NPEPPS: variants seen among roughly 807,000 people sequenced by gnomAD.
The protein encoded by NPEPPS is puromycin-sensitive aminopeptidase.
Under a neutral mutation model 115.5 loss-of-function variants are expected in NPEPPS, and 14 were observed. The ratio of observed to expected loss-of-function variants is 0.12; its 90% CI spans 0.08 to 0.19. The LOEUF (loss-of-function observed/expected upper bound fraction) is 0.19, where lower values mean the gene tolerates loss of function less well. NPEPPS is among the 10% of genes least tolerant of loss of function. The pLI is 1.00. For synonymous variants in NPEPPS, 285 were observed against 390.6 expected (o/e 0.73, Z 3.19); for missense variants, 523 against 1,110.8 (o/e 0.47, Z 7.52).
chr17:47,593,321 G>A (rs1314529431), intron 12 of NPEPPS, among the ~76,000 whole-genome samples: 1 of 152,152 alleles, frequency 6.6e-6, no homozygotes, highest in African/African-American at 2.4e-5. Context: ...TAGCACTTTG[G>A]GAGGCCAGGA....
chr17:47,544,627 G>A (rs934271673), intron 1 of NPEPPS, among the ~76,000 whole-genome samples: 9 of 150,934 alleles, frequency 6.0e-5, no homozygotes, highest in Non-Finnish European at 1.0e-4. Context: ...TCTGCCTCCC[G>A]GGTTTAAGCA....
upstream of NPEPPS, among the ~76,000 whole-genome samples, chr17:47,530,722 C>A (rs187536984): frequency 1.8e-3 from 270 of 152,300 alleles, no homozygotes; most frequent in African/African-American, 6.2e-3. Context: ...GGAACTAAGG[C>A]CAGAGAGCCT....
At chr17:47,611,853 T>C (rs1305731037) in intron 17 of NPEPPS, among the ~76,000 whole-genome samples, 1 of 152,148 alleles carries the variant, frequency 6.6e-6, no homozygotes, top group Non-Finnish European at 1.5e-5. Context: ...CCACCAGCAG[T>C]GTTTGAGGGT....
rs1163530675 is a variant in NPEPPS, at chr17:47,535,242, C to CAA, written c.255+3713_255+3714dup. Among the ~76,000 whole-genome samples the CAA allele has an allele frequency of 1.9e-3, 111 of 57,092 alleles. 6 individuals are homozygous for CAA. Among genetic ancestry groups the CAA allele is most frequent in the African/African-American group, 6.3e-3 (65 of 10,366 alleles). The allele number at this position is 57,092 out of a possible 152,430, so 37.5% of individuals were successfully genotyped here. ...TGGGCAACAGAGCAAGACTCTGTCT[C>CAA]AAAAAAAAAAAAAAAAAAAAAAAAA... is the stretch of plus-strand genomic sequence containing the variant. On this transcript the variant is annotated intron_variant, in intron 1 of 22. Coordinates refer to ENST00000322157, the MANE Select transcript of NPEPPS (RefSeq NM_006310.4).
At chr17:47,600,450 A>G (rs1913125205) in intron 14 of NPEPPS, among the ~76,000 whole-genome samples, 2 of 152,122 alleles carry the variant, frequency 1.3e-5, no homozygotes, top group African/African-American at 2.4e-5. Flanking sequence ...GAGAAAAAAT[A>G]TCTAACAAAT....
chr17:47,566,030 G>T (rs1282072732), intron 2 of NPEPPS, among the ~76,000 whole-genome samples: 1 of 152,140 alleles, frequency 6.6e-6, no homozygotes, highest in Non-Finnish European at 1.5e-5. Context: ...GTCTCACTCT[G>T]TCACCTAGAT....
intron 4 of NPEPPS, chr17:47,580,404 A>G (rs981899188): frequency 4.6e-5 from 7 of 151,302 alleles, no homozygotes; most frequent in African/African-American, 1.2e-4. Context: ...TCTCTAAACA[A>G]TTTTTTTTTA....
intron 10 of NPEPPS, among the ~76,000 whole-genome samples, chr17:47,591,085 G>A (rs1293219667): frequency 6.6e-6 from 1 of 152,114 alleles, no homozygotes; most frequent in East Asian, 1.9e-4. Context: ...AAAAAAAATT[G>A]GTCTGGCCAG....
intron 2 of NPEPPS, chr17:47,557,397 T>A (rs1910122412): frequency 6.6e-6 from 1 of 151,330 alleles, no homozygotes; most frequent in Non-Finnish European, 1.5e-5. Context: ...TTTGCAGATT[T>A]AAAAAAACTT....
At chr17:47,608,145 A>T (rs1483522640) in intron 17 of NPEPPS, among the ~76,000 whole-genome samples, 1 of 152,104 alleles carries the variant, frequency 6.6e-6, no homozygotes, top group East Asian at 1.9e-4. Context: ...CCTGGCATAG[A>T]AGCATATTTG....
intron 1 of NPEPPS, among the ~76,000 whole-genome samples, chr17:47,544,468 A>G (rs898560320): frequency 2.6e-5 from 4 of 151,880 alleles, no homozygotes; most frequent in Non-Finnish European, 5.9e-5. Flanking sequence ...GTTGTAAGAA[A>G]TGTTTCCTAA....
chr17:47,605,595 G>A (rs751101476), intron 17 of NPEPPS, 43 bp downstream of exon 17: 1 of 1,263,492 alleles, frequency 7.9e-7, no homozygotes, highest in African/African-American at 1.5e-5. Context: ...GCAGAAGTTG[G>A]TACTTTTTTA....
At chr17:47,552,415 CA>C (rs1323676914) in intron 2 of NPEPPS, among the ~76,000 whole-genome samples, 1 of 152,166 alleles carries the variant, frequency 6.6e-6, no homozygotes, top group Non-Finnish European at 1.5e-5. Flanking sequence ...GATAGTTAGC[CA>C]GCCCCTTTAT....
chr17:47,603,788 G>T, intron 15 of NPEPPS, 127 bp from the exon 16 acceptor site: 1 of 735,852 alleles, frequency 1.4e-6, no homozygotes, highest in Non-Finnish European at 2.2e-6. Context: ...TCCATTAGTT[G>T]GCATAGATGG....
intron 4 of NPEPPS, chr17:47,582,036 A>AT (rs1911912079): frequency 1.3e-5 from 2 of 152,192 alleles, no homozygotes; most frequent in Non-Finnish European, 2.9e-5. Flanking sequence ...CATTGGTTCC[A>AT]TTTTATTTAC....
At chr17:47,553,980 G>A (rs1343400101) in intron 2 of NPEPPS, among the ~76,000 whole-genome samples, 1 of 151,142 alleles carries the variant, frequency 6.6e-6, no homozygotes. Context: ...TCCATCTTCT[G>A]ACCTCGTGAT....
chr17:47,542,920 C>T lies in NPEPPS; in HGVS notation c.256-2989C>T, dbSNP rs541114967. ...TTGGGAGGCTGAGACGGGCGAATCA[C>T]GAGGTCAGGAGTTTGAGACCAGCCT... On this transcript the variant is annotated intron_variant, in intron 1 of 22. Transcript: ENST00000322157. Among the ~76,000 whole-genome samples, 10 of 151,932 alleles carry T rather than the reference C, an allele frequency of 6.6e-5. No homozygotes were observed. In the South Asian group the frequency reaches 8.3e-4, roughly 13 times the overall value.
chr17:47,619,968 C>T (rs1393266164), intron 22 of NPEPPS, 184 bp downstream of exon 22: 3 of 533,458 alleles, frequency 5.6e-6, no homozygotes, highest in Admixed American at 3.2e-5. Flanking sequence ...CATGGTAGCT[C>T]ACATCTGTAA....
intron 15 of NPEPPS, among the ~76,000 whole-genome samples, chr17:47,603,203 G>T (rs1381792889): frequency 1.3e-5 from 2 of 152,148 alleles, no homozygotes; most frequent in Non-Finnish European, 2.9e-5. Flanking sequence ...CCTGAGGTCA[G>T]GAGTTCGAGA....
Sources: allele counts gnomAD v4.1 joint callset (sites outside exome capture counted in the v4.1 genomes callset), GRCh38; gene constraint gnomAD v4.1.1; transcripts MANE v1.5; gene names NCBI Gene and HGNC (gene_info 2026-07-23, HGNC 2026-07-21).